NEDD4L: variants seen among roughly 807,000 people sequenced by gnomAD.
NEDD4L encodes the protein NEDD4 like E3 ubiquitin protein ligase, also known as E3 ubiquitin-protein ligase NEDD4-like.
NEDD4L carries 54 observed loss-of-function variants against 148.9 expected under a neutral mutation model. That is an observed-to-expected ratio of 0.36 (90% CI 0.29 to 0.45). The LOEUF is 0.45. Among genes scored for constraint, NEDD4L ranks in the 20% least tolerant of loss-of-function variants. NEDD4L has a pLI of 1.00. For missense variants in NEDD4L, 856 were observed against 1,233.8 expected (o/e 0.69, Z 4.59); for synonymous variants, 433 against 440.7 (o/e 0.98, Z 0.22).
chr18:58,050,698 T>G (rs1035732738), intron 1 of NEDD4L, among the ~76,000 whole-genome samples: 2 of 152,038 alleles, frequency 1.3e-5, no homozygotes, highest in Middle Eastern at 3.2e-3. Context: ...GAGGCAGAGG[T>G]TGCAGTGAGA....
intron 5 of NEDD4L, among the ~76,000 whole-genome samples, chr18:58,282,899 G>A (rs2053365785): frequency 6.6e-6 from 1 of 152,062 alleles, no homozygotes; most frequent in African/African-American, 2.4e-5. Flanking sequence ...CCACAAAGGG[G>A]GATTTTCTTG....
At position 58,300,286 on chromosome 18, in the gene NEDD4L, A is replaced by G. The variant is rs141374038; in HGVS notation, c.298-15696A>G. ...TGTATATGCTAATAGTTGTTGATTT[A>G]TAGCTTAAAATTAATTGTGTGATGC... On this transcript the variant is annotated intron_variant, in intron 5 of 30. Coordinates refer to ENST00000400345, the MANE Select transcript of NEDD4L (RefSeq NM_001144967.3). Among the ~76,000 whole-genome samples, 279 of 152,356 alleles carry G rather than the reference A, an allele frequency of 1.8e-3. 2 individuals carry two copies. The highest frequency in any genetic ancestry group is 6.4e-3 in the African/African-American group (267 of 41,588).
intron 5 of NEDD4L, among the ~76,000 whole-genome samples, chr18:58,297,706 T>TG (rs2055852569): frequency 2.0e-5 from 3 of 152,228 alleles, no homozygotes; most frequent in Admixed American, 6.5e-5. Context: ...GGTCCCGGTA[T>TG]GGGGGGTTGT....
chr18:58,154,303 A>G (rs752768717), intron 1 of NEDD4L, among the ~76,000 whole-genome samples: 2 of 152,126 alleles, frequency 1.3e-5, no homozygotes, highest in Non-Finnish European at 2.9e-5. Context: ...GTAAAATTCG[A>G]TTTCAAAGAG....
chr18:58,272,520 C>T (rs575409317), intron 5 of NEDD4L, among the ~76,000 whole-genome samples: 5 of 151,812 alleles, frequency 3.3e-5, no homozygotes, highest in South Asian at 4.2e-4. Flanking sequence ...CCCAGCTATT[C>T]GGGAGGTAGG....
At chr18:58,339,170 G>A (rs2042135662) in intron 13 of NEDD4L, among the ~76,000 whole-genome samples, 1 of 152,152 alleles carries the variant, frequency 6.6e-6, no homozygotes, top group Non-Finnish European at 1.5e-5. Context: ...AGGGGGAAGT[G>A]GATCACCAGA....
At position 58,357,380 on chromosome 18, in the gene NEDD4L, C is replaced by T. The variant is rs560947133; in HGVS notation, c.1767+128C>T. On this transcript the variant is annotated intron_variant, in intron 19 of 30. Coordinates refer to ENST00000400345, the MANE Select transcript of NEDD4L (RefSeq NM_001144967.3). ...ATTGAGTAGTTGACTAGAAACAGAG[C>T]ACTTTGCTGCCATCTCCTTACTGAA... The T allele has an allele frequency of 5.7e-6, 5 of 871,918 alleles. No homozygotes were observed. The South Asian group carries it at 6.7e-5, about 12-fold the overall frequency. The allele number at this position is 871,918 out of a possible 1,614,324, so 54.0% of individuals were successfully genotyped here. A position where few individuals can be genotyped will look rare whatever the true frequency, so the allele number is the denominator to read the frequency against.
At chr18:58,245,846 A>ATTTTTTTTTTTTTTTTTTTTTTTTTTTT (rs58940181) in intron 3 of NEDD4L, among the ~76,000 whole-genome samples, 1 of 91,552 alleles carries the variant, frequency 1.1e-5, no homozygotes. Flanking sequence ...ATGCCTGGCT[A>ATTTTTTTTTTTTTTTTTTTTTTTTTTTT]TTTTTTTTTT....
intron 20 of NEDD4L, 57 bp downstream of exon 20, chr18:58,364,390 GTCAC>G: frequency 9.4e-7 from 1 of 1,064,958 alleles, no homozygotes; most frequent in Non-Finnish European, 1.4e-6. Context: ...AGTTACCACA[GTCAC>G]TTCAGTGAGA....
intron 1 of NEDD4L, among the ~76,000 whole-genome samples, chr18:58,089,003 A>G (rs1271394905): frequency 1.3e-5 from 2 of 152,130 alleles, no homozygotes; most frequent in Non-Finnish European, 1.5e-5. Flanking sequence ...CCACTCGCCT[A>G]CAGCTTCCAA....
intron 1 of NEDD4L, among the ~76,000 whole-genome samples, chr18:58,094,630 T>C (rs577950567): frequency 4.3e-4 from 65 of 152,286 alleles, no homozygotes; most frequent in Admixed American, 7.8e-4. Context: ...CCGTGGACTG[T>C]GTTTATTCGT....
intron 30 of NEDD4L, among the ~76,000 whole-genome samples, chr18:58,394,192 A>G (rs1384424966): frequency 4.6e-5 from 7 of 152,214 alleles, no homozygotes; most frequent in Non-Finnish European, 8.8e-5. Flanking sequence ...CATTCCGGGG[A>G]TGGTGCTCAG....
chr18:58,198,942 T>A (rs1251078473), intron 2 of NEDD4L, among the ~76,000 whole-genome samples: 2 of 152,048 alleles, frequency 1.3e-5, no homozygotes, highest in African/African-American at 4.8e-5. Flanking sequence ...GTAGCTGGGA[T>A]TACAGGTGCT....
chr18:58,120,403 G>C (rs545737192), intron 1 of NEDD4L, among the ~76,000 whole-genome samples: 26 of 152,316 alleles, frequency 1.7e-4, no homozygotes, highest in African/African-American at 6.3e-4. Context: ...GGATTTGTGA[G>C]GATGGAATGA....
intron 9 of NEDD4L, among the ~76,000 whole-genome samples, chr18:58,326,850 G>A (rs749873754): frequency 5.3e-5 from 8 of 152,170 alleles, no homozygotes; most frequent in Admixed American, 1.3e-4. Context: ...TGAAACTAAC[G>A]AGGGAATTCT....
chr18:58,087,066 G>A (rs1383498271), intron 1 of NEDD4L, among the ~76,000 whole-genome samples: 2 of 152,182 alleles, frequency 1.3e-5, no homozygotes, highest in Non-Finnish European at 2.9e-5. Flanking sequence ...ACTGCTGAAG[G>A]ACAACACCCT....
Position 58,252,054 on chromosome 18 carries a change from G to A in NEDD4L, c.297G>A (p.Leu99=). The A allele has an allele frequency of 6.3e-7, 1 of 1,584,500 alleles. No individual in the cohort carries two copies. The highest frequency in any genetic ancestry group is 1.1e-5 in the South Asian group (1 of 90,490). Residue 99 remains leucine, a splice_region_variant and synonymous_variant, in exon 5 of 31, where the codon CTG becomes CTA. Transcript: ENST00000400345. ...TTGAAGTATTTGACGAAAATAGACT[G>A]GTAAGTGGATGCCTGTATTTGAATT... ...LLFEVFDENR[L]TRDDFLGQVD...
At chr18:58,167,138 A>G (rs906230103) in intron 2 of NEDD4L, among the ~76,000 whole-genome samples, 11 of 152,226 alleles carry the variant, frequency 7.2e-5, no homozygotes, top group East Asian at 1.9e-4. Flanking sequence ...AGGACTCTGA[A>G]TGGTGTCACA....
At chr18:58,051,736 C>T (rs552944065) in intron 1 of NEDD4L, among the ~76,000 whole-genome samples, 1 of 152,216 alleles carries the variant, frequency 6.6e-6, no homozygotes, top group Admixed American at 6.5e-5. Context: ...GTGGGTCTGT[C>T]TTACTGAAAT....
Sources: gnomAD v4.1 joint callset for allele counts (sites outside exome capture counted in the v4.1 genomes callset) on GRCh38, gnomAD v4.1.1 for gene constraint, MANE v1.5 for transcripts, NCBI Gene and HGNC (gene_info 2026-07-23, HGNC 2026-07-21) for gene names.